The following TCEANC2 variants were observed in gnomAD, a reference collection of about 807,000 sequenced individuals.
TCEANC2 encodes transcription elongation factor A N-terminal and central domain-containing protein 2.
In TCEANC2, 20 loss-of-function variants were observed where a neutral mutation model predicts 22.8. That is an observed-to-expected ratio of 0.88 (90% CI 0.62 to 1.28). The LOEUF (loss-of-function observed/expected upper bound fraction) is 1.28, where lower values mean the gene tolerates loss of function less well. Ranked by LOEUF, TCEANC2 falls within the 50% of genes most tolerant of loss-of-function variation. The probability of loss-of-function intolerance (pLI) is 0.00; values close to 1 mark genes in which losing one functional copy is unlikely to be tolerated. For synonymous variants in TCEANC2, 84 were observed against 95.5 expected, an observed-to-expected ratio of 0.88 and a Z score of 0.70; for missense variants, 251 against 249.7, an observed-to-expected ratio of 1.01 and a Z score of -0.03.
chr1:54,061,993 A>G (rs1300471331), intron 2 of TCEANC2, among the ~76,000 whole-genome samples: 1 of 152,160 alleles, frequency 6.6e-6, no homozygotes, highest in African/African-American at 2.4e-5. Flanking sequence ...GTTGGTTGCA[A>G]TAAGAGAATT....
At chr1:54,063,896 A>G (rs909908432) in intron 2 of TCEANC2, among the ~76,000 whole-genome samples, 19 of 152,204 alleles carry the variant, frequency 1.2e-4, no homozygotes, top group African/African-American at 3.6e-4. Flanking sequence ...CTTTTGACCT[A>G]TGGTTGGTTG....
At chr1:54,072,142 T>G (rs1386030842) in intron 3 of TCEANC2, among the ~76,000 whole-genome samples, 2 of 152,164 alleles carry the variant, frequency 1.3e-5, no homozygotes, top group Non-Finnish European at 2.9e-5. Context: ...AGTTACTCTC[T>G]TTCGTTATTT....
At chr1:54,092,707 G>T (rs749993792) in intron 4 of TCEANC2, among the ~76,000 whole-genome samples, 1 of 152,172 alleles carries the variant, frequency 6.6e-6, no homozygotes, top group Admixed American at 6.5e-5. Flanking sequence ...GGGAAGTTCC[G>T]CACTTAAGGT....
intron 4 of TCEANC2, among the ~76,000 whole-genome samples, chr1:54,091,296 A>G (rs149702134): frequency 6.6e-6 from 1 of 152,216 alleles, no homozygotes; most frequent in African/African-American, 2.4e-5. Context: ...ATATTTCCAT[A>G]TTAGAGCAAA....
In TCEANC2 at chr1:54,093,406, C is replaced by T. The variant is rs113623899; in HGVS notation, c.439-2879C>T. 5.8e-3 allele frequency among the ~76,000 whole-genome samples: 882 copies of T among 152,264 alleles called. 10 individuals are homozygous for T. The highest frequency in any genetic ancestry group is 0.02 in the African/African-American group (826 of 41,546). On this transcript the variant is annotated intron_variant, in intron 4 of 4. Transcript: ENST00000234827. ...TTCACTTTGCAACAAACTTGTTATA[C>T]ATAAGGTACATGATGAATCATTTTC...
At position 54,099,466 on chromosome 1, in the gene TCEANC2, GGGTGCATT is replaced by G; in HGVS notation, c.*2997_*3004del. 6.6e-6 allele frequency: 1 copy of G among 152,294 alleles called. No homozygotes were observed. The highest frequency in any genetic ancestry group is 1.9e-4 in the East Asian group (1 of 5,186). The allele number at this position is 152,294 out of a possible 1,614,324, so 9.4% of individuals were successfully genotyped here. A position where few individuals can be genotyped will look rare whatever the true frequency, so the allele number is the denominator to read the frequency against. On this transcript the variant is annotated 3_prime_UTR_variant, in exon 5 of 5. Coordinates refer to ENST00000234827, the MANE Select transcript of TCEANC2 (RefSeq NM_153035.3). ...TGTTAAAAATGAAAAGGTTGAGGCC[GGGTGCATT>G]GGTTCATGCCTATAATCCCAGCGCT... is the stretch of plus-strand genomic sequence containing the variant.
In TCEANC2 at chr1:54,067,293, A is replaced by G. The variant is rs958771782; in HGVS notation, c.103-1463A>G. On this transcript the variant is annotated intron_variant, in intron 2 of 4. Transcript: ENST00000234827. ...TTGATGGGTCCACAAAGATACTTGG[A>G]AGGACACTGGGATCCCTATAGGGAG... Among the ~76,000 whole-genome samples, 4 of 152,168 alleles carry G rather than the reference A, an allele frequency of 2.6e-5. No homozygotes were observed. The East Asian group carries it at 7.7e-4, about 29-fold the overall frequency.
chr1:54,081,449 G>A (rs1178501644), intron 3 of TCEANC2, among the ~76,000 whole-genome samples: 1 of 152,012 alleles, frequency 6.6e-6, no homozygotes, highest in Non-Finnish European at 1.5e-5. Context: ...GTCTCACTAT[G>A]TTGCCCAGGC....
At chr1:54,094,300 T>TCTCTCATGTTAGGA (rs1553170584) in intron 4 of TCEANC2, among the ~76,000 whole-genome samples, 2 of 152,344 alleles carry the variant, frequency 1.3e-5, no homozygotes, top group South Asian at 2.1e-4. Context: ...GGTCCATCTG[T>TCTCTCATGTTAGGA]CTCTCATGTT....
Position 54,096,261 on chromosome 1 carries a change from T to G in TCEANC2, c.439-24T>G. 1.9e-6 allele frequency: 3 copies of G among 1,579,014 alleles called. No homozygotes were observed. Among genetic ancestry groups the G allele is most frequent in the Non-Finnish European group, 2.6e-6 (3 of 1,152,822 alleles). On this transcript the variant is annotated intron_variant, in intron 4 of 4. Coordinates refer to ENST00000234827, the MANE Select transcript of TCEANC2 (RefSeq NM_153035.3). This position sits in a 1 kb window ranked among gnomAD's most constrained non-coding sequence, Gnocchi z 4.9. Reference sequence around the variant, plus strand: ...ATCCTTACGCAATGTAAGGCTCTAATTTGATAATTTTGCTGTTTTTTAGAT... The same window carrying G: ...ATCCTTACGCAATGTAAGGCTCTAAGTTGATAATTTTGCTGTTTTTTAGAT...
At chr1:54,059,344 A>G (rs533138311) in intron 2 of TCEANC2, among the ~76,000 whole-genome samples, 1 of 151,906 alleles carries the variant, frequency 6.6e-6, no homozygotes, top group South Asian at 2.1e-4. Flanking sequence ...GTAGAGATGG[A>G]GTTTCACCAT....
chr1:54,095,944 A>AC (rs1658538295), intron 4 of TCEANC2, among the ~76,000 whole-genome samples: 1 of 152,190 alleles, frequency 6.6e-6, no homozygotes, highest in Admixed American at 6.5e-5. Context: ...ACAAAACAAA[A>AC]AAAAATATGA....
chr1:54,055,680 A>G (rs1021110722), intron 2 of TCEANC2, among the ~76,000 whole-genome samples: 1 of 152,242 alleles, frequency 6.6e-6, no homozygotes, highest in African/African-American at 2.4e-5. Context: ...GGATTGTAAG[A>G]GCAAGGCAGC....
chr1:54,091,872 T>C (rs1176030118), intron 4 of TCEANC2, among the ~76,000 whole-genome samples: 1 of 152,198 alleles, frequency 6.6e-6, no homozygotes, highest in Admixed American at 6.5e-5. Context: ...TTTCCTATTA[T>C]GTCATTTAAA....
At chr1:54,069,194 A>C (rs1009548414) in intron 3 of TCEANC2, among the ~76,000 whole-genome samples, 4 of 152,264 alleles carry the variant, frequency 2.6e-5, no homozygotes, top group African/African-American at 9.6e-5. Context: ...AAATGCTTAC[A>C]TTTAATTTAT....
chr1:54,057,005 G>A (rs947928902), intron 2 of TCEANC2, among the ~76,000 whole-genome samples: 4 of 151,148 alleles, frequency 2.6e-5, no homozygotes, highest in African/African-American at 9.7e-5. Context: ...TGGTACCACT[G>A]CACTGCAACC....
chr1:54,092,560 G>T (rs181471259), intron 4 of TCEANC2, among the ~76,000 whole-genome samples: 2 of 152,196 alleles, frequency 1.3e-5, no homozygotes, highest in African/African-American at 2.4e-5. Flanking sequence ...ACAAATATTG[G>T]TTGAACATTT....
chr1:54,107,857 A>T (rs1018323352), downstream of TCEANC2, among the ~76,000 whole-genome samples: 1 of 152,228 alleles, frequency 6.6e-6, no homozygotes, highest in Non-Finnish European at 1.5e-5. Context: ...AACCATAGAC[A>T]TGCTATTTCA....
In TCEANC2 at chr1:54,096,785, C is replaced by A; in HGVS notation, c.*312C>A. 9.4e-7 allele frequency: 1 copy of A among 1,066,456 alleles called. No homozygotes were observed. The highest frequency in any genetic ancestry group is 1.6e-5 in the African/African-American group (1 of 60,752). The allele number at this position is 1,066,456 out of a possible 1,614,324, so 66.1% of individuals were successfully genotyped here. On this transcript the variant is annotated 3_prime_UTR_variant, in exon 5 of 5. Coordinates refer to ENST00000234827, the MANE Select transcript of TCEANC2 (RefSeq NM_153035.3). This position sits in a 1 kb window ranked among gnomAD's most constrained non-coding sequence, Gnocchi z 4.9. Reference sequence around the variant, plus strand: ...TTTCACTGTGAATATGCCAAGGACACCTCTAAACTTCCCCCATGTCAGTCA... The same window carrying A: ...TTTCACTGTGAATATGCCAAGGACAACTCTAAACTTCCCCCATGTCAGTCA...
Sources: gnomAD v4.1 joint callset for allele counts (sites outside exome capture counted in the v4.1 genomes callset) on GRCh38, gnomAD v4.1.1 for gene constraint, Gnocchi (gnomAD v3.1) non-coding constraint, MANE v1.5 for transcripts, NCBI Gene and HGNC (gene_info 2026-07-23, HGNC 2026-07-21) for gene names.